The following TULP3 variants were observed in gnomAD, a reference collection of about 807,000 sequenced individuals.
The protein encoded by TULP3 is tubby-related protein 3.
Under a neutral mutation model 50.7 loss-of-function variants are expected in TULP3, and 38 were observed. That is an observed-to-expected ratio of 0.75 (90% CI 0.58 to 0.98). TULP3 has a LOEUF of 0.98. Among genes scored for constraint, TULP3 ranks in the 50% least tolerant of loss-of-function variants. The probability of loss-of-function intolerance (pLI) is 0.00; values close to 1 mark genes in which losing one functional copy is unlikely to be tolerated. For synonymous variants in TULP3, 183 were observed against 196.6 expected, an observed-to-expected ratio of 0.93 and a Z score of 0.58; for missense variants, 550 against 568.0, an observed-to-expected ratio of 0.97 and a Z score of 0.32.
At chr12:2,919,430 G>C (rs1478590110) in intron 2 of TULP3, among the ~76,000 whole-genome samples, 1 of 152,010 alleles carries the variant, frequency 6.6e-6, no homozygotes, top group Non-Finnish European at 1.5e-5. Flanking sequence ...GAATTAATCA[G>C]TGTGCTCTCA....
At chr12:2,900,931 T>C (rs1002820729) in intron 1 of TULP3, among the ~76,000 whole-genome samples, 1 of 150,780 alleles carries the variant, frequency 6.6e-6, no homozygotes, top group Non-Finnish European at 1.5e-5. Context: ...CAGGCTGGTC[T>C]TGAGCTCCTG....
Position 2,940,763 on chromosome 12 carries a change from G to T in TULP3, c.*1319G>T. The T allele has an allele frequency of 1.3e-6, 2 of 1,516,120 alleles. No individual in the cohort carries two copies. The highest frequency in any genetic ancestry group is 1.8e-6 in the Non-Finnish European group (2 of 1,124,594). 93.9% of individuals were successfully genotyped at this position (1,516,120 alleles called of 1,614,324 possible). A position where few individuals can be genotyped will look rare whatever the true frequency, so the allele number is the denominator to read the frequency against. On this transcript the variant is annotated 3_prime_UTR_variant, in exon 11 of 11. Coordinates refer to ENST00000448120, the MANE Select transcript of TULP3 (RefSeq NM_003324.5). ...CTGGCAGCTGCGGGACCCTTGGCTTGTCCCCCACCGACAAGTCCCACCTGC... is the reference window on the plus strand; with the variant it reads ...CTGGCAGCTGCGGGACCCTTGGCTTTTCCCCCACCGACAAGTCCCACCTGC...
chr12:2,909,628 G>A lies in TULP3; in HGVS notation c.93+48G>A, dbSNP rs760677804. On this transcript the variant is annotated intron_variant, in intron 2 of 10. Coordinates refer to ENST00000448120, the MANE Select transcript of TULP3 (RefSeq NM_003324.5). ...AAATAGGTGGCCAACTATACTGACC[G>A]TGATGCTGATGGTCTTGGCTCTGAA... 50 of 1,529,904 alleles carry A rather than the reference G, an allele frequency of 3.3e-5. No homozygotes were observed. In the Middle Eastern group the frequency reaches 5.1e-4, roughly 16 times the overall value. The allele number at this position is 1,529,904 out of a possible 1,614,324, so 94.8% of individuals were successfully genotyped here. A position where few individuals can be genotyped will look rare whatever the true frequency, so the allele number is the denominator to read the frequency against.
chr12:2,936,673 C>T (rs1311440981), intron 8 of TULP3, among the ~76,000 whole-genome samples: 1 of 151,654 alleles, frequency 6.6e-6, no homozygotes, highest in Non-Finnish European at 1.5e-5. Context: ...TGCTTGAACC[C>T]GGGAGGCGGA....
Position 2,898,079 on chromosome 12 carries a change from C to CAAAAA in TULP3, c.41+7106_41+7110dup, listed in dbSNP as rs59718569. ...GGCAACAAGAGCGGAAACTAGATCT[C>CAAAAA]AAAAAAAAAAAAAAAAAAAGATATA... On this transcript the variant is annotated intron_variant, in intron 1 of 10. Coordinates refer to ENST00000448120, the MANE Select transcript of TULP3 (RefSeq NM_003324.5). Among the ~76,000 whole-genome samples, 148 of 93,020 alleles carry CAAAAA rather than the reference C, an allele frequency of 1.6e-3. 2 individuals carry two copies. Among genetic ancestry groups the CAAAAA allele is most frequent in the Middle Eastern group, 5.3e-3 (1 of 188 alleles). The allele number at this position is 93,020 out of a possible 152,430, so 61.0% of individuals were successfully genotyped here. A position where few individuals can be genotyped will look rare whatever the true frequency, so the allele number is the denominator to read the frequency against.
intron 1 of TULP3, among the ~76,000 whole-genome samples, chr12:2,906,335 C>CT (rs1389054018): frequency 4.3e-4 from 64 of 149,062 alleles, no homozygotes; most frequent in African/African-American, 1.3e-3. Flanking sequence ...TTTCTTTTTT[C>CT]TTTTTTTTGA....
chr12:2,905,209 C>T (rs1192807121), intron 1 of TULP3, among the ~76,000 whole-genome samples: 2 of 138,908 alleles, frequency 1.4e-5, no homozygotes, highest in African/African-American at 5.5e-5. Context: ...TCCTTTGAGA[C>T]AGAGTCTCGC....
chr12:2,905,150 G>C (rs1350355618), intron 1 of TULP3, among the ~76,000 whole-genome samples: 1 of 149,888 alleles, frequency 6.7e-6, no homozygotes, highest in Non-Finnish European at 1.5e-5. Flanking sequence ...GATTAGACTA[G>C]AAATTTTAGT....
chr12:2,925,730 G>A (rs2098194327), intron 4 of TULP3, among the ~76,000 whole-genome samples: 1 of 152,108 alleles, frequency 6.6e-6, no homozygotes, highest in Non-Finnish European at 1.5e-5. Context: ...AGGATGAGTC[G>A]GAGCAAAAAT....
At chr12:2,918,270 C>T (rs540683587) in intron 2 of TULP3, among the ~76,000 whole-genome samples, 10 of 151,538 alleles carry the variant, frequency 6.6e-5, no homozygotes, top group Admixed American at 3.3e-4. Flanking sequence ...CTTGCCACCA[C>T]GCCTGGCTAA....
Position 2,909,691 on chromosome 12 carries a change from G to A in TULP3, c.93+111G>A, listed in dbSNP as rs944554503. 3.5e-6 allele frequency: 4 copies of A among 1,138,848 alleles called. No individual in the cohort carries two copies. In the African/African-American group the frequency reaches 4.9e-5, roughly 14 times the overall value. 70.5% of individuals were successfully genotyped at this position (1,138,848 alleles called of 1,614,324 possible). On this transcript the variant is annotated intron_variant, in intron 2 of 10. Coordinates refer to ENST00000448120, the MANE Select transcript of TULP3 (RefSeq NM_003324.5). The stretch of plus-strand genomic sequence containing the variant: ...GCTATGGAAAGAAGACTGGAAAGGA[G>A]AAGGCTCGGGTGGTTACCTGTGAAG...
intron 1 of TULP3, among the ~76,000 whole-genome samples, chr12:2,909,314 A>T (rs1285194815): frequency 6.6e-6 from 1 of 152,126 alleles, no homozygotes; most frequent in East Asian, 1.9e-4. Flanking sequence ...TTGTCCTTGG[A>T]GTATTTCAGT....
rs951213773 is a variant in TULP3, at chr12:2,938,749, C to T, written c.1195+464C>T. The stretch of plus-strand genomic sequence containing the variant: ...AGTGAGCTGAGATTGCATCACTGCT[C>T]TCCAGCCTGGGTGACAGCAAGAACC... On this transcript the variant is annotated intron_variant, in intron 10 of 10. Transcript: ENST00000448120. 7.6e-4 allele frequency among the ~76,000 whole-genome samples: 115 copies of T among 151,502 alleles called. 1 individual carries two copies. The highest frequency in any genetic ancestry group is 2.7e-3 in the African/African-American group (112 of 41,204).
intron 4 of TULP3, among the ~76,000 whole-genome samples, chr12:2,925,798 G>A (rs973770966): frequency 2.0e-5 from 3 of 152,124 alleles, no homozygotes; most frequent in African/African-American, 7.2e-5. Flanking sequence ...CTGAAAAGTG[G>A]CAGATTTAGA....
At chr12:2,920,652 TAA>T in intron 2 of TULP3, 109 bp from the exon 3 acceptor site, 1 of 1,344,790 alleles carries the variant, frequency 7.4e-7, no homozygotes, top group East Asian at 2.3e-5. Flanking sequence ...GGGGAAAAAA[TAA>T]TTTACAAGAT....
Position 2,920,815 on chromosome 12 carries a change from T to G in TULP3, c.146T>G (p.Val49Gly). The change falls in exon 3 of 11, where the codon GTG becomes GGG. Residue 49 changes from valine to glycine, a missense_variant. Val to Gly is a moderately radical substitution (Grantham distance 109, BLOSUM62 -3). Transcript: ENST00000448120. Reference sequence around the variant, plus strand: ...AAAAAGCGCCTTGAGCCATTTATGGTGCAGCCCAATCCAGAAGCCAGGCTA... The same window carrying G: ...AAAAAGCGCCTTGAGCCATTTATGGGGCAGCCCAATCCAGAAGCCAGGCTA... Reference protein sequence around the residue: ...QRKKRLEPFMVQPNPEARLRR... With the variant: ...QRKKRLEPFMGQPNPEARLRR... The G allele has an allele frequency of 1.2e-6, 2 of 1,614,114 alleles. No individual in the cohort carries two copies. Among genetic ancestry groups the G allele is most frequent in the Non-Finnish European group, 1.7e-6 (2 of 1,180,034 alleles).
chr12:2,928,071 A>G (rs542575487), intron 4 of TULP3, among the ~76,000 whole-genome samples: 2 of 152,238 alleles, frequency 1.3e-5, no homozygotes, highest in African/African-American at 2.4e-5. Context: ...ATAGAAAACA[A>G]AAAGACTATC....
At position 2,940,262 on chromosome 12, in the gene TULP3, C is replaced by G; in HGVS notation, c.*818C>G. On this transcript the variant is annotated 3_prime_UTR_variant, in exon 11 of 11. Coordinates refer to ENST00000448120, the MANE Select transcript of TULP3 (RefSeq NM_003324.5). ...GAGCGACACACACACCTGTAGGCAT[C>G]CTGTGCAAACACTTTGTCATTATCA... 7.2e-7 allele frequency: 1 copy of G among 1,389,778 alleles called. No individual in the cohort carries two copies. Among genetic ancestry groups the G allele is most frequent in the Non-Finnish European group, 9.5e-7 (1 of 1,055,396 alleles). 86.1% of individuals were successfully genotyped at this position (1,389,778 alleles called of 1,614,324 possible). A position where few individuals can be genotyped will look rare whatever the true frequency, so the allele number is the denominator to read the frequency against.
intron 1 of TULP3, among the ~76,000 whole-genome samples, chr12:2,902,247 A>T (rs376666108): frequency 6.0e-4 from 91 of 152,340 alleles, no homozygotes; most frequent in Middle Eastern, 6.8e-3. Context: ...AGATAACTAT[A>T]TCTAATTTCT....
Sources: gnomAD v4.1 joint callset for allele counts (sites outside exome capture counted in the v4.1 genomes callset) on GRCh38, gnomAD v4.1.1 for gene constraint, MANE v1.5 for transcripts, NCBI Gene and HGNC (gene_info 2026-07-23, HGNC 2026-07-21) for gene names.